KNTC1: variants seen among roughly 807,000 people sequenced by gnomAD.
KNTC1 encodes the protein kinetochore associated 1.
KNTC1 carries 253 observed loss-of-function variants against 314.4 expected under a neutral mutation model. The ratio of observed to expected loss-of-function variants is 0.80; its 90% confidence interval spans 0.73 to 0.89. The LOEUF is 0.89. KNTC1 is among the 40% of genes least tolerant of loss of function. The probability of loss-of-function intolerance (pLI) is 0.00; values close to 1 mark genes in which losing one functional copy is unlikely to be tolerated. For synonymous variants in KNTC1, 901 were observed against 901.4 expected, an observed-to-expected ratio of 1.00 and a Z score of 0.01; for missense variants, 2,475 against 2,572.9, an observed-to-expected ratio of 0.96 and a Z score of 0.82.
At chr12:122,559,295 C>A (rs912287843) in intron 18 of KNTC1, among the ~76,000 whole-genome samples, 3 of 152,054 alleles carry the variant, frequency 2.0e-5, no homozygotes, top group African/African-American at 7.2e-5. Context: ...TTGCTTTGAG[C>A]TGAGATCGCG....
At position 122,588,758 on chromosome 12, in the gene KNTC1, A is replaced by G. The variant is rs913030692; in HGVS notation, c.3941A>G (p.Glu1314Gly). The G allele has an allele frequency of 6.4e-7, 1 of 1,565,318 alleles. No individual in the cohort carries two copies. The change falls in exon 40 of 64, where the codon GAA becomes GGA. Residue 1314 changes from glutamate to glycine, a missense_variant. Physicochemically the swap from Glu to Gly is moderately conservative, Grantham distance 98 (BLOSUM62 -2). Coordinates refer to ENST00000333479, the MANE Select transcript of KNTC1 (RefSeq NM_014708.6). ...TLVKSRHVVM[E>G]LKEKAVIFIR... ...GTTAAATCAAGGCATGTTGTTATGGAATTGAAAGAAAAAGCTGTTATATTT... is the reference window on the plus strand; with the variant it reads ...GTTAAATCAAGGCATGTTGTTATGGGATTGAAAGAAAAAGCTGTTATATTT...
intron 59 of KNTC1, among the ~76,000 whole-genome samples, chr12:122,619,379 G>A (rs1874153524): frequency 6.7e-6 from 1 of 149,652 alleles, no homozygotes; most frequent in Admixed American, 6.7e-5. Flanking sequence ...AAATTGCTGG[G>A]ATTACAGATG....
At chr12:122,598,755 C>G (rs1041122182) in intron 44 of KNTC1, among the ~76,000 whole-genome samples, 4 of 152,024 alleles carry the variant, frequency 2.6e-5, no homozygotes, top group Admixed American at 6.5e-5. Flanking sequence ...AACTATTATT[C>G]CATTATATGG....
intron 32 of KNTC1, 85 bp downstream of exon 32, chr12:122,580,062 G>A (rs557990177): frequency 1.1e-4 from 91 of 837,862 alleles, no homozygotes; most frequent in African/African-American, 2.7e-4. Context: ...AACTCTCACC[G>A]TACCCGCAGT....
chr12:122,573,456 G>C (rs909628659), intron 26 of KNTC1, among the ~76,000 whole-genome samples, 171 bp downstream of exon 26: 1 of 152,236 alleles, frequency 6.6e-6, no homozygotes, highest in Non-Finnish European at 1.5e-5. Flanking sequence ...TTGAGCAAAG[G>C]GGGGATACAT....
At chr12:122,558,991 G>A (rs192419857) in intron 18 of KNTC1, among the ~76,000 whole-genome samples, 2 of 152,206 alleles carry the variant, frequency 1.3e-5, no homozygotes, top group Admixed American at 6.5e-5. Context: ...TATTCTGAAC[G>A]GTTCAAATAA....
At chr12:122,609,000 A>C (rs750921715) in intron 51 of KNTC1, among the ~76,000 whole-genome samples, 61 of 152,308 alleles carry the variant, frequency 4.0e-4, no homozygotes, top group Non-Finnish European at 8.1e-4. Context: ...TTGAGGCTGC[A>C]CTGAGCCGTG....
At chr12:122,559,086 C>T (rs142230491) in intron 18 of KNTC1, among the ~76,000 whole-genome samples, 104 of 152,176 alleles carry the variant, frequency 6.8e-4, no homozygotes, top group Non-Finnish European at 1.0e-3. Flanking sequence ...CGTTGTTTCA[C>T]GCCTGTAATT....
chr12:122,546,196 C>T lies in KNTC1; in HGVS notation c.690C>T (p.Phe230=), dbSNP rs369336471. The T allele has an allele frequency of 5.6e-6, 9 of 1,608,540 alleles. No homozygotes were observed. In the African/African-American group the frequency reaches 1.2e-4, roughly 22 times the overall value. The change falls in exon 9 of 64, where the codon TTC becomes TTT. Residue 230 remains phenylalanine, a synonymous_variant. Coordinates refer to ENST00000333479, the MANE Select transcript of KNTC1 (RefSeq NM_014708.6). ...TCCAGGGAACCGGTAATTGTGCATT[C>T]TCAAAATGGGAACCAGATTCTTCCA... ...VIIGGTGNCA[F]SKWEPDSSKK...
intron 62 of KNTC1, among the ~76,000 whole-genome samples, chr12:122,623,951 C>A (rs1476744957): frequency 6.6e-6 from 1 of 152,076 alleles, no homozygotes; most frequent in African/African-American, 2.4e-5. Flanking sequence ...GCCTGTAATC[C>A]CAGCTACTCG....
intron 44 of KNTC1, 72 bp downstream of exon 44, chr12:122,598,010 A>ATCTATACTATGTACTTAT (rs1871302020): frequency 2.7e-6 from 3 of 1,106,066 alleles, no homozygotes; most frequent in Non-Finnish European, 4.1e-6. Context: ...ATACATTAGT[A>ATCTATACTATGTACTTAT]ACAAATTGGA....
intron 20 of KNTC1, among the ~76,000 whole-genome samples, chr12:122,563,153 C>T (rs1005524409): frequency 4.0e-5 from 6 of 151,866 alleles, no homozygotes; most frequent in East Asian, 1.9e-4. Flanking sequence ...GCAACAAAAA[C>T]GGGCTGAACA....
At chr12:122,609,973 C>T (rs1872944538) in intron 52 of KNTC1, among the ~76,000 whole-genome samples, 1 of 152,216 alleles carries the variant, frequency 6.6e-6, no homozygotes, top group South Asian at 2.1e-4. Context: ...TGGTGGTTCA[C>T]ATGCCAGCCA....
chr12:122,563,576 T>A (rs1565959764), intron 20 of KNTC1, among the ~76,000 whole-genome samples: 1 of 152,134 alleles, frequency 6.6e-6, no homozygotes, highest in East Asian at 1.9e-4. Context: ...CACAATTATT[T>A]TTTTTTCCTA....
chr12:122,613,288 T>C, intron 54 of KNTC1, 58 bp downstream of exon 54: 1 of 1,180,942 alleles, frequency 8.5e-7, no homozygotes, highest in Non-Finnish European at 1.2e-6. Context: ...TTTTTGGAGC[T>C]GTACCTTTTA....
intron 20 of KNTC1, among the ~76,000 whole-genome samples, chr12:122,564,209 T>A (rs777231888): frequency 2.0e-5 from 3 of 152,124 alleles, no homozygotes; most frequent in Non-Finnish European, 2.9e-5. Context: ...AACTCTGACC[T>A]CAGGCAATCC....
chr12:122,622,234 A>G (rs1874515697), intron 61 of KNTC1, among the ~76,000 whole-genome samples: 1 of 152,146 alleles, frequency 6.6e-6, no homozygotes, highest in Non-Finnish European at 1.5e-5. Flanking sequence ...AAAAGTCTCA[A>G]AGTGCACAAC....
At chr12:122,623,802 T>A (rs1027495743) in intron 62 of KNTC1, among the ~76,000 whole-genome samples, 5 of 152,104 alleles carry the variant, frequency 3.3e-5, no homozygotes, top group African/African-American at 1.2e-4. Flanking sequence ...CGCAGTGGCT[T>A]ACTCCTGTAA....
intron 4 of KNTC1, 50 bp downstream of exon 4, chr12:122,538,504 T>A: frequency 9.7e-7 from 1 of 1,034,808 alleles, no homozygotes; most frequent in South Asian, 1.6e-5. Context: ...CTAAATAATC[T>A]CTTAGACAAC....
Sources: gnomAD v4.1 joint callset for allele counts (sites outside exome capture counted in the v4.1 genomes callset) on GRCh38, gnomAD v4.1.1 for gene constraint, MANE v1.5 for transcripts, NCBI Gene and HGNC (gene_info 2026-07-23, HGNC 2026-07-21) for gene names.